CLU: variants seen among roughly 807,000 people sequenced by gnomAD.
CLU encodes the protein aging-associated protein 4.
A neutral mutation model predicts 46.4 loss-of-function variants in CLU; 25 were observed. The observed-to-expected ratio is 0.54, with a 90% CI of 0.39 to 0.75. The LOEUF (loss-of-function observed/expected upper bound fraction) is 0.75. Ranked by LOEUF, CLU falls within the 30% of genes least tolerant of loss-of-function variation. The pLI is 0.00. For missense variants in CLU, 504 were observed against 592.1 expected, an observed-to-expected ratio of 0.85 and a Z score of 1.54; for synonymous variants, 235 against 235.1, an observed-to-expected ratio of 1.00 and a Z score of 0.00.
intron 6 of CLU, among the ~76,000 whole-genome samples, chr8:27,600,455 G>A (rs988609233): frequency 1.3e-5 from 2 of 152,076 alleles, no homozygotes; most frequent in Admixed American, 1.3e-4. Flanking sequence ...GGCTGGTCTC[G>A]AACTCCTGGG....
In CLU at chr8:27,598,486, C is replaced by G. The variant is rs144959547; in HGVS notation, c.1314G>C (p.Ala438=). The G allele has an allele frequency of 3.1e-6, 5 of 1,613,920 alleles. No individual in the cohort carries two copies. The East Asian group carries it at 8.9e-5, about 29-fold the overall frequency. ...PKFMETVAEK[A]LQEYRKKHRE... Reference sequence around the variant, plus strand: ...GGTGCTTTTTGCGGTATTCCTGCAGCGCTTTCTCCGCCACGGTCTCCATAA... The same window carrying G: ...GGTGCTTTTTGCGGTATTCCTGCAGGGCTTTCTCCGCCACGGTCTCCATAA... The change falls in exon 8 of 9, where the codon GCG becomes GCC. Residue 438 remains alanine (A), a synonymous_variant. Coordinates refer to ENST00000316403, the MANE Select transcript of CLU (RefSeq NM_001831.4).
chr8:27,597,701 A>C lies in CLU; in HGVS notation c.*540T>G. The C allele has an allele frequency of 2.2e-6, 1 of 454,230 alleles. No individual in the cohort carries two copies. Among genetic ancestry groups the C allele is most frequent in the Non-Finnish European group, 4.4e-6 (1 of 226,874 alleles). 28.1% of individuals were successfully genotyped at this position (454,230 alleles called of 1,614,324 possible). A position where few individuals can be genotyped will look rare whatever the true frequency, so the allele number is the denominator to read the frequency against. ...GTCGCACCTTGGTCAGAATACATCG[A>C]CAGTTTTATAATAGAACAGAAAAGC... On this transcript the variant is annotated 3_prime_UTR_variant, in exon 9 of 9. Coordinates refer to ENST00000316403, the MANE Select transcript of CLU (RefSeq NM_001831.4).
rs751945484 is a variant in CLU at position 27,599,873 on chromosome 8, G to A, written c.1071C>T (p.Ser357=). The change falls in exon 7 of 9, where the codon TCC becomes TCT. Residue 357 remains serine, a synonymous_variant. Transcript: ENST00000316403. This position sits in a 1 kb window ranked among gnomAD's most constrained non-coding sequence, Gnocchi z 4.0. ...SYQWKMLNTS[S]LLEQLNEQFN... The stretch of plus-strand genomic sequence containing the variant: ...ACTGCTCGTTCAGCTGCTCCAGCAA[G>A]GAGGAGGTGTTGAGCATCTTCCACT... 58 of 1,614,096 alleles carry A rather than the reference G, an allele frequency of 3.6e-5. No individual in the cohort carries two copies. Among genetic ancestry groups the A allele is most frequent in the Non-Finnish European group, 4.7e-5 (56 of 1,180,044 alleles).
chr8:27,599,809 C>A lies in CLU; in HGVS notation c.1135G>T (p.Glu379Ter). ...VSRLANLTQG[E>*]DQYYLRVTTV... Reference sequence around the variant, plus strand: ...GTGACCCGCAGATAGTACTGGTCTTCGCCTTGCGTGAGGTTTGCCAGCCGG... The same window carrying A: ...GTGACCCGCAGATAGTACTGGTCTTAGCCTTGCGTGAGGTTTGCCAGCCGG... The change falls in exon 7 of 9, where the codon GAA becomes TAA. Residue 379 changes from glutamate to a stop codon, truncating the protein, a stop_gained. Coordinates refer to ENST00000316403, the MANE Select transcript of CLU (RefSeq NM_001831.4). LOFTEE classifies it high-confidence loss of function. This position sits in a 1 kb window ranked among gnomAD's most constrained non-coding sequence, Gnocchi z 4.0. 1 of 1,613,096 alleles carries A rather than the reference C, an allele frequency of 6.2e-7. No homozygotes were observed. Among genetic ancestry groups the A allele is most frequent in the East Asian group, 2.2e-5 (1 of 44,852 alleles).
At chr8:27,614,407 AC>A (rs200099845) in intron 1 of CLU, 3 of 288,394 alleles carry the variant, frequency 1.0e-5, no homozygotes, top group Admixed American at 5.4e-5. Context: ...TGTTCTATTT[AC>A]CCCCCCACCA....
rs1377154528 is a variant in CLU at position 27,598,138 on chromosome 8, T to A, written c.*103A>T. 8.1e-7 allele frequency: 1 copy of A among 1,227,438 alleles called. No homozygotes were observed. The highest frequency in any genetic ancestry group is 2.4e-5 in the East Asian group (1 of 41,628). The allele number at this position is 1,227,438 out of a possible 1,614,324, so 76.0% of individuals were successfully genotyped here. ...AGTTGGGGGCCTGGAGGCTGGGGCC[T>A]GGTTACTTGGTGACGTGCAGAGCTC... is the stretch of plus-strand genomic sequence containing the variant. On this transcript the variant is annotated 3_prime_UTR_variant, in exon 9 of 9. Coordinates refer to ENST00000316403, the MANE Select transcript of CLU (RefSeq NM_001831.4).
At chr8:27,600,813 C>G (rs761792089) in intron 6 of CLU, among the ~76,000 whole-genome samples, 6 of 152,148 alleles carry the variant, frequency 3.9e-5, no homozygotes, top group Non-Finnish European at 7.3e-5. Context: ...CTCTGGATAT[C>G]CTTTTTCTCT....
rs1379496751 is a variant in CLU, at chr8:27,597,560, C to T, written c.*681G>A. Reference sequence around the variant, plus strand: ...TTACAAATAAAACTGATAATTTGGACTTCTGGGCACCAAATGTTTTCATAA... The same window carrying T: ...TTACAAATAAAACTGATAATTTGGATTTCTGGGCACCAAATGTTTTCATAA... On this transcript the variant is annotated 3_prime_UTR_variant, in exon 9 of 9. Transcript: ENST00000316403. 2 of 453,980 alleles carry T rather than the reference C, an allele frequency of 4.4e-6. No homozygotes were observed. The highest frequency in any genetic ancestry group is 4.0e-5 in the African/African-American group (2 of 50,006). 28.1% of individuals were successfully genotyped at this position (453,980 alleles called of 1,614,324 possible). A position where few individuals can be genotyped will look rare whatever the true frequency, so the allele number is the denominator to read the frequency against.
chr8:27,604,759 A>T (rs563236990), intron 5 of CLU, among the ~76,000 whole-genome samples, 165 bp downstream of exon 5: 1 of 152,332 alleles, frequency 6.6e-6, no homozygotes, highest in South Asian at 2.1e-4. Flanking sequence ...CATCACAGGC[A>T]TGAGCCACCA....
Position 27,598,076 on chromosome 8 carries a change from T to TA in CLU, c.*164dup, listed in dbSNP as rs1310933253. On this transcript the variant is annotated 3_prime_UTR_variant, in exon 9 of 9. Transcript: ENST00000316403. ...TCCCATGAGCAGCAGAGTCGAGTGT[T>TA]AGAGTGCAGGATCCAGAGCGGGGAG... 49 of 720,898 alleles carry TA rather than the reference T, an allele frequency of 6.8e-5. 1 individual carries two copies. The highest frequency in any genetic ancestry group is 1.0e-4 in the Non-Finnish European group (39 of 391,048). 44.7% of individuals were successfully genotyped at this position (720,898 alleles called of 1,614,324 possible).
At chr8:27,612,607 G>C (rs1156880594) in intron 1 of CLU, among the ~76,000 whole-genome samples, 2 of 152,126 alleles carry the variant, frequency 1.3e-5, no homozygotes, top group African/African-American at 2.4e-5. Context: ...TCACTGCAGG[G>C]CTGGTTATAA....
Position 27,614,663 on chromosome 8 carries a change from G to T in CLU, c.-38C>A, listed in dbSNP as rs1055426723. The T allele has an allele frequency of 7.5e-6, 4 of 530,404 alleles. No homozygotes were observed. The highest frequency in any genetic ancestry group is 3.9e-5 in the African/African-American group (2 of 51,860). The allele number at this position is 530,404 out of a possible 1,614,324, so 32.9% of individuals were successfully genotyped here. On this transcript the variant is annotated 5_prime_UTR_variant, in exon 1 of 9. Coordinates refer to ENST00000316403, the MANE Select transcript of CLU (RefSeq NM_001831.4). ...AGACGGGGACATCTCACCGGTCAGC[G>T]GCACCCTGTGCCCGCGCGCTCCTCC... is the stretch of plus-strand genomic sequence containing the variant.
chr8:27,613,402 A>AG (rs1554533372), intron 1 of CLU, among the ~76,000 whole-genome samples: 9 of 145,896 alleles, frequency 6.2e-5, no homozygotes, highest in Non-Finnish European at 1.2e-4. Context: ...AAAAAAAAAA[A>AG]AGAGAGAAAA....
chr8:27,609,627 A>G (rs908915165), intron 2 of CLU, among the ~76,000 whole-genome samples: 2 of 152,202 alleles, frequency 1.3e-5, no homozygotes, highest in African/African-American at 2.4e-5. Context: ...TGTTTATCCC[A>G]TGCCAAGCAC....
At position 27,597,338 on chromosome 8, in the gene CLU, C is replaced by T. The variant is rs1455429338; in HGVS notation, c.*903G>A. On this transcript the variant is annotated 3_prime_UTR_variant, in exon 9 of 9. Transcript: ENST00000316403. ...GGTAGTCATGGCCACCTGCTGGCAGCGTAGGGTACTGCAGCCCAGCTATGG... is the reference window on the plus strand; with the variant it reads ...GGTAGTCATGGCCACCTGCTGGCAGTGTAGGGTACTGCAGCCCAGCTATGG... The T allele has an allele frequency of 6.6e-6, 3 of 454,366 alleles. No homozygotes were observed. Among genetic ancestry groups the T allele is most frequent in the African/African-American group, 2.0e-5 (1 of 49,974 alleles). 28.1% of individuals were successfully genotyped at this position (454,366 alleles called of 1,614,324 possible).
At chr8:27,610,812 G>A in intron 1 of CLU, 1 of 551,082 alleles carries the variant, frequency 1.8e-6, no homozygotes, top group South Asian at 2.0e-5. Flanking sequence ...GTGCAGGGAG[G>A]GAGGGACTGC....
chr8:27,598,733 G>C, intron 7 of CLU, 98 bp from the exon 8 acceptor site: 1 of 1,205,262 alleles, frequency 8.3e-7, no homozygotes, highest in South Asian at 1.2e-5. Flanking sequence ...AAGTCCTCCT[G>C]CTTCTCCAAG....
In CLU at chr8:27,608,985, G is replaced by A. The variant is rs11555224; in HGVS notation, c.199C>T (p.Arg67Cys). 3.7e-6 allele frequency: 6 copies of A among 1,614,156 alleles called. No individual in the cohort carries two copies. Among genetic ancestry groups the A allele is most frequent in the Non-Finnish European group, 4.2e-6 (5 of 1,180,014 alleles). ...TCTAGGTTGCTGAGCAGTGTCTTGC[G>A]CTCTTCGTTTGTTTTTTCTATGAGA... ...KTLIEKTNEERKTLLSNLEEA... is the reference protein window; with the variant it reads ...KTLIEKTNEECKTLLSNLEEA... The change falls in exon 3 of 9, where the codon CGC becomes TGC. Residue 67 changes from arginine (R) to cysteine (C), a missense_variant. Physicochemically the swap from Arg to Cys is radical, Grantham distance 180 (BLOSUM62 -3). Transcript: ENST00000316403.
chr8:27,612,112 T>TG (rs980516758), intron 1 of CLU: 1 of 310,110 alleles, frequency 3.2e-6, no homozygotes, highest in Admixed American at 4.6e-5. Context: ...CCAGGGAGCC[T>TG]GGGGTCCCTG....
Sources: allele counts gnomAD v4.1 joint callset (sites outside exome capture counted in the v4.1 genomes callset), GRCh38; gene constraint gnomAD v4.1.1; non-coding constraint Gnocchi (gnomAD v3.1); transcripts MANE v1.5; gene names NCBI Gene and HGNC (gene_info 2026-07-23, HGNC 2026-07-21).